Variants in KIF4A observed in about 807,000 individuals in gnomAD.
KIF4A encodes chromosome-associated kinesin KIF4A.
A neutral mutation model predicts 105.9 loss-of-function variants in KIF4A; 7 were observed. The ratio of observed to expected loss-of-function variants is 0.07; its 90% confidence interval spans 0.04 to 0.12. The LOEUF (loss-of-function observed/expected upper bound fraction) is 0.12, where lower values mean the gene tolerates loss of function less well. Among genes scored for constraint, KIF4A ranks in the 10% least tolerant of loss-of-function variants. The pLI is 1.00. For missense variants in KIF4A, 558 were observed against 929.2 expected (o/e 0.60, Z 5.19); for synonymous variants, 281 against 331.3 (o/e 0.85, Z 1.65).
chrX:70,318,639 G>A (rs1430472267), intron 7 of KIF4A, among the ~76,000 whole-genome samples: 1 of 111,799 alleles, frequency 8.9e-6, no homozygotes, highest in East Asian at 2.8e-4. Context: ...CCACTGTTTT[G>A]TGAGAATTTT....
intron 7 of KIF4A, among the ~76,000 whole-genome samples, chrX:70,311,601 AC>A: frequency 8.9e-6 from 1 of 111,890 alleles, no homozygotes; most frequent in Admixed American, 9.5e-5. Context: ...ATTATTTGAA[AC>A]AAATCACGGA....
intron 15 of KIF4A, among the ~76,000 whole-genome samples, chrX:70,371,876 C>T (rs2086137540): frequency 9.7e-6 from 1 of 103,008 alleles, no homozygotes; most frequent in Non-Finnish European, 2.0e-5. Context: ...AGGGGCTCCT[C>T]ACTTCTCAGA....
At chrX:70,404,391 T>A (rs1210200690) in intron 24 of KIF4A, among the ~76,000 whole-genome samples, 1 of 110,984 alleles carries the variant, frequency 9.0e-6, no homozygotes, top group Non-Finnish European at 1.9e-5. Context: ...TTACAGGAAA[T>A]TAGCTGAGTG....
intron 7 of KIF4A, among the ~76,000 whole-genome samples, chrX:70,310,193 C>T (rs190797430): frequency 9.0e-6 from 1 of 111,371 alleles, no homozygotes; most frequent in African/African-American, 3.3e-5. Flanking sequence ...CCCTTGTGCC[C>T]CTTTCCAGTC....
chrX:70,315,008 A>G (rs2085864095), intron 7 of KIF4A, among the ~76,000 whole-genome samples: 1 of 111,706 alleles, frequency 9.0e-6, no homozygotes, highest in African/African-American at 3.3e-5. Flanking sequence ...TGTGGTGTTT[A>G]TCCTTTCCAT....
At chrX:70,364,411 T>C (rs2147712512) in intron 15 of KIF4A, among the ~76,000 whole-genome samples, 1 of 109,039 alleles carries the variant, frequency 9.2e-6, no homozygotes, top group Admixed American at 9.9e-5. Context: ...TTGAATTAAT[T>C]TTTGTATAAG....
chrX:70,382,843 A>C (rs777405569), intron 18 of KIF4A, among the ~76,000 whole-genome samples: 1 of 109,894 alleles, frequency 9.1e-6, no homozygotes, highest in African/African-American at 3.3e-5. Flanking sequence ...GGAGGAAAAT[A>C]TTTGCAAATC....
intron 15 of KIF4A, among the ~76,000 whole-genome samples, chrX:70,367,701 A>G (rs1331233929): frequency 2.7e-5 from 3 of 110,615 alleles, no homozygotes; most frequent in African/African-American, 9.9e-5. Flanking sequence ...CTTCATTTCA[A>G]CTTTGGTGAA....
At chrX:70,402,305 CTTTCCAAGT>C (rs1465048275) in intron 22 of KIF4A, among the ~76,000 whole-genome samples, 2 of 112,097 alleles carry the variant, frequency 1.8e-5, no homozygotes, top group African/African-American at 6.5e-5. Context: ...TGTGATAAGT[CTTTCCAAGT>C]CCCACTTTAT....
Position 70,407,045 on chromosome X carries a change from A to G in KIF4A, c.3225A>G (p.Leu1075=), listed in dbSNP as rs749574413. Residue 1075 remains leucine (L), a synonymous_variant, in exon 28 of 31, where the codon TTA becomes TTG. Transcript: ENST00000374403. ...ACGAGGAATGGAAGCCAACAAAATT[A>G]GTTAAGGTGTCCAGGAAGAACATCC... The part of the protein sequence containing the change: ...GDDEEWKPTK[L]VKVSRKNIQG... 1.7e-5 allele frequency: 21 copies of G among 1,201,634 alleles called. No individual in the cohort carries two copies. In the South Asian group the frequency reaches 3.6e-4, roughly 21 times the overall value.
chrX:70,388,051 C>G (rs2086224528), intron 20 of KIF4A, among the ~76,000 whole-genome samples: 1 of 111,006 alleles, frequency 9.0e-6, no homozygotes, highest in Non-Finnish European at 1.9e-5. Flanking sequence ...CGTCTACTCC[C>G]CATTTCATAT....
chrX:70,417,401 C>T, intron 28 of KIF4A, among the ~76,000 whole-genome samples: 1 of 111,948 alleles, frequency 8.9e-6, no homozygotes, highest in Non-Finnish European at 1.9e-5. Context: ...AATCCCAGCA[C>T]TTTGATAGGC....
intron 20 of KIF4A, among the ~76,000 whole-genome samples, chrX:70,388,631 T>C (rs1236296794): frequency 8.9e-6 from 1 of 112,052 alleles, no homozygotes; most frequent in African/African-American, 3.2e-5. Context: ...TAATTTTCTT[T>C]TCTGTAATGA....
intron 1 of KIF4A, 65 bp downstream of exon 1, chrX:70,290,215 C>CA: frequency 2.8e-6 from 1 of 357,188 alleles, no homozygotes; most frequent in Non-Finnish European, 4.8e-6. Context: ...GGCTTTGGTT[C>CA]TTTGTCGCCG....
At chrX:70,369,719 G>C (rs764903713) in intron 15 of KIF4A, among the ~76,000 whole-genome samples, 6 of 110,780 alleles carry the variant, frequency 5.4e-5, no homozygotes, top group Non-Finnish European at 1.1e-4. Flanking sequence ...AGTTAAAAAT[G>C]GCAAGTTACA....
intron 18 of KIF4A, among the ~76,000 whole-genome samples, chrX:70,376,860 A>G (rs1178551813): frequency 8.9e-6 from 1 of 111,919 alleles, no homozygotes; most frequent in Admixed American, 9.6e-5. Context: ...TTAGAAAGAT[A>G]TATCTGGGAA....
intron 15 of KIF4A, among the ~76,000 whole-genome samples, chrX:70,354,181 A>G (rs1250261879): frequency 8.9e-6 from 1 of 112,949 alleles, no homozygotes; most frequent in African/African-American, 3.2e-5. Flanking sequence ...TGGATGTCAC[A>G]TGACTTGACA....
At chrX:70,374,560 TAA>T (rs1398693009) in intron 16 of KIF4A, among the ~76,000 whole-genome samples, 4 of 111,912 alleles carry the variant, frequency 3.6e-5, no homozygotes, top group Non-Finnish European at 7.5e-5. Context: ...GAAGGCTTTG[TAA>T]AAAGTTAGCA....
chrX:70,320,374 C>T (rs768276800), intron 7 of KIF4A, among the ~76,000 whole-genome samples: 16 of 111,913 alleles, frequency 1.4e-4, no homozygotes, highest in African/African-American at 4.2e-4. Context: ...ATACATGTAC[C>T]GCTATGTTTA....
Sources: allele counts gnomAD v4.1 joint callset (sites outside exome capture counted in the v4.1 genomes callset), GRCh38; gene constraint gnomAD v4.1.1; transcripts MANE v1.5; gene names NCBI Gene and HGNC (gene_info 2026-07-23, HGNC 2026-07-21).